Variants in RDX observed in about 807,000 individuals in gnomAD.
RDX encodes radixin, also known as deafness, autosomal recessive 24.
RDX carries 32 observed loss-of-function variants against 83.7 expected under a neutral mutation model. That is an observed-to-expected ratio of 0.38 (90% CI 0.29 to 0.51). The LOEUF is 0.51. RDX is among the 20% of genes least tolerant of loss of function. The pLI is 0.87. For synonymous variants in RDX, 229 were observed against 222.7 expected, an observed-to-expected ratio of 1.03 and a Z score of -0.25; for missense variants, 600 against 689.9, an observed-to-expected ratio of 0.87 and a Z score of 1.46.
intron 1 of RDX, among the ~76,000 whole-genome samples, chr11:110,285,611 G>A (rs1452881393): frequency 1.3e-5 from 2 of 151,060 alleles, no homozygotes; most frequent in African/African-American, 4.9e-5. Context: ...AACTCAGGAG[G>A]CTGAGGCAGG....
intron 15 of RDX, among the ~76,000 whole-genome samples, chr11:110,187,445 TGA>T (rs1373294206): frequency 3.3e-5 from 5 of 152,274 alleles, no homozygotes; most frequent in Non-Finnish European, 7.4e-5. Context: ...CCAGATAGCC[TGA>T]GTTACTCCAC....
chr11:110,269,519 G>A (rs1209744727), intron 3 of RDX, among the ~76,000 whole-genome samples: 2 of 152,162 alleles, frequency 1.3e-5, no homozygotes, highest in Non-Finnish European at 2.9e-5. Context: ...TACTCATGTA[G>A]CTATGTGCTC....
intron 1 of RDX, among the ~76,000 whole-genome samples, chr11:110,283,000 A>C (rs1180550941): frequency 1.3e-5 from 2 of 152,236 alleles, no homozygotes; most frequent in Non-Finnish European, 2.9e-5. Flanking sequence ...AAAACATTAA[A>C]AAAAAATCCA....
chr11:110,236,013 G>T, intron 12 of RDX, 86 bp downstream of exon 12: 2 of 919,774 alleles, frequency 2.2e-6, no homozygotes, highest in Non-Finnish European at 3.6e-6. Flanking sequence ...AATTATGACA[G>T]TATCTTACAC....
intron 3 of RDX, among the ~76,000 whole-genome samples, chr11:110,267,239 G>C (rs1173066424): frequency 2.0e-5 from 3 of 152,092 alleles, no homozygotes; most frequent in Admixed American, 6.5e-5. Context: ...CATTTGGCAG[G>C]GCAGGGTGGC....
At position 110,235,783 on chromosome 11, in the gene RDX, A is replaced by G. The variant is rs1419065499; in HGVS notation, c.1344+316T>C. On this transcript the variant is annotated intron_variant, in intron 12 of 13. Coordinates refer to ENST00000645495, the MANE Select transcript of RDX (RefSeq NM_002906.4). ...TCAGTTCCCTCTGTCTAGAATGACT[A>G]CTTCTTCAGTCTCTAACTATTCCCA... Among the ~76,000 whole-genome samples, 3 of 152,286 alleles carry G rather than the reference A, an allele frequency of 2.0e-5. No individual in the cohort carries two copies. The East Asian group carries it at 5.8e-4, about 29-fold the overall frequency.
chr11:110,255,432 A>C (rs1294159497), intron 7 of RDX, 47 bp from the exon 8 acceptor site: 1 of 1,017,572 alleles, frequency 9.8e-7, no homozygotes, highest in Non-Finnish European at 1.6e-6. Context: ...GAAACAATGA[A>C]TAAAATTCCT....
intron 10 of RDX, among the ~76,000 whole-genome samples, chr11:110,245,691 T>C (rs1859078435): frequency 6.6e-6 from 1 of 152,202 alleles, no homozygotes; most frequent in Non-Finnish European, 1.5e-5. Flanking sequence ...CACTTAAAAC[T>C]ATGTAAAATA....
intron 9 of RDX, among the ~76,000 whole-genome samples, chr11:110,248,602 TG>T (rs1208627690): frequency 6.6e-6 from 1 of 152,172 alleles, no homozygotes; most frequent in Non-Finnish European, 1.5e-5. Context: ...CACACTTTAA[TG>T]GGGGAAAAAT....
rs35064465 is a variant in RDX at position 110,265,114 on chromosome 11, T to TG, written c.97-241_97-240insC. On this transcript the variant is annotated intron_variant, in intron 3 of 13. Coordinates refer to ENST00000645495, the MANE Select transcript of RDX (RefSeq NM_002906.4). ...GAAAAGAAGTTTTTTTTTTTGTTTT[T>TG]TTTTTTTTTGTTCTTGTCACCCAGG... 0.37 allele frequency among the ~76,000 whole-genome samples: 52,831 copies of TG among 142,856 alleles called. 9,022 individuals are homozygous for TG. The highest frequency in any genetic ancestry group is 0.58 in the East Asian group (2,831 of 4,872). The allele number at this position is 142,856 out of a possible 152,430, so 93.7% of individuals were successfully genotyped here.
intron 1 of RDX, among the ~76,000 whole-genome samples, 175 bp downstream of exon 1, chr11:110,296,292 C>G (rs918792725): frequency 2.6e-5 from 4 of 151,942 alleles, no homozygotes; most frequent in Admixed American, 2.6e-4. Context: ...GCCTGGCCGG[C>G]CGGGCCGTTA....
At chr11:110,296,313 G>A (rs887406329) in intron 1 of RDX, among the ~76,000 whole-genome samples, 154 bp downstream of exon 1, 1 of 151,884 alleles carries the variant, frequency 6.6e-6, no homozygotes, top group Non-Finnish European at 1.5e-5. Context: ...CCACAGTGGC[G>A]CCTCGGCCAG....
chr11:110,287,525 G>C (rs1360079395), intron 1 of RDX, among the ~76,000 whole-genome samples: 1 of 152,158 alleles, frequency 6.6e-6, no homozygotes, highest in Non-Finnish European at 1.5e-5. Context: ...TGCTTATTAT[G>C]CTGTTAGCTC....
intron 7 of RDX, 93 bp downstream of exon 7, chr11:110,257,674 A>C (rs1859598801): frequency 7.6e-7 from 1 of 1,315,924 alleles, no homozygotes; most frequent in South Asian, 1.2e-5. Flanking sequence ...AGGGTAATCA[A>C]GACAAGAAAC....
At chr11:110,246,532 C>T (rs1427019657) in intron 10 of RDX, among the ~76,000 whole-genome samples, 3 of 152,056 alleles carry the variant, frequency 2.0e-5, no homozygotes, top group Admixed American at 1.3e-4. Context: ...CCCAGCACTT[C>T]AGGAGGCCGA....
chr11:110,265,917 T>C (rs938588864), intron 3 of RDX, among the ~76,000 whole-genome samples: 4 of 152,184 alleles, frequency 2.6e-5, no homozygotes, highest in Non-Finnish European at 5.9e-5. Context: ...ATTAGCAGTG[T>C]GTCTATTTAC....
chr11:110,219,107 C>T (rs1283316458), intron 14 of RDX, among the ~76,000 whole-genome samples: 1 of 152,078 alleles, frequency 6.6e-6, no homozygotes, highest in Admixed American at 6.5e-5. Flanking sequence ...GAGGAAGGTA[C>T]AATTTTAAAT....
At chr11:110,205,431 CAAAAAAAAA>C (rs35103862) in intron 14 of RDX, among the ~76,000 whole-genome samples, 1 of 47,068 alleles carries the variant, frequency 2.1e-5, no homozygotes, top group African/African-American at 8.5e-5. Flanking sequence ...TTTACCTATC[CAAAAAAAAA>C]AAAAAAAAAA....
chr11:110,214,128 TCAAA>T (rs1466889819), intron 14 of RDX, among the ~76,000 whole-genome samples: 3 of 147,352 alleles, frequency 2.0e-5, no homozygotes, highest in Non-Finnish European at 4.5e-5. Context: ...TACAATGAAC[TCAAA>T]CAAATTTACA....
Sources: gnomAD v4.1 joint callset for allele counts (sites outside exome capture counted in the v4.1 genomes callset) on GRCh38, gnomAD v4.1.1 for gene constraint, MANE v1.5 for transcripts, NCBI Gene and HGNC (gene_info 2026-07-23, HGNC 2026-07-21) for gene names.